Variants in CPED1 observed in about 807,000 individuals in gnomAD.
The protein encoded by CPED1 is cadherin like and PC-esterase domain containing 1.
CPED1 carries 114 observed loss-of-function variants against 128.2 expected under a neutral mutation model. That is an observed-to-expected ratio of 0.89 (90% CI 0.76 to 1.04). CPED1 has a LOEUF of 1.04. CPED1 is among the 50% of genes least tolerant of loss of function. The probability of loss-of-function intolerance (pLI) is 0.00; values close to 1 mark genes in which losing one functional copy is unlikely to be tolerated. For missense variants in CPED1, 1,211 were observed against 1,207.1 expected (o/e 1.00, Z -0.05); for synonymous variants, 462 against 426.7 (o/e 1.08, Z -1.02).
intron 3 of CPED1, among the ~76,000 whole-genome samples, chr7:121,031,485 A>G (rs1792732123): frequency 6.6e-6 from 1 of 152,000 alleles, no homozygotes; most frequent in Non-Finnish European, 1.5e-5. Context: ...ATGGGGTTTC[A>G]CCATGTTGGC....
At chr7:121,268,356 C>G (rs1792170069) in intron 21 of CPED1, among the ~76,000 whole-genome samples, 1 of 152,030 alleles carries the variant, frequency 6.6e-6, no homozygotes, top group Admixed American at 6.6e-5. Flanking sequence ...CAATTCATTT[C>G]AGCAAACATT....
intron 16 of CPED1, among the ~76,000 whole-genome samples, chr7:121,152,496 C>G: frequency 6.6e-6 from 1 of 152,102 alleles, no homozygotes; most frequent in Admixed American, 6.6e-5. Flanking sequence ...ACAGCTCAAC[C>G]CTTACTTGTC....
At chr7:121,249,682 G>A (rs1440848022) in intron 18 of CPED1, among the ~76,000 whole-genome samples, 2 of 152,064 alleles carry the variant, frequency 1.3e-5, no homozygotes, top group African/African-American at 2.4e-5. Flanking sequence ...TTAAGGGAGT[G>A]CTGAACATGG....
chr7:121,185,831 C>T (rs1796989485), intron 16 of CPED1, among the ~76,000 whole-genome samples: 1 of 152,142 alleles, frequency 6.6e-6, no homozygotes, highest in African/African-American at 2.4e-5. Context: ...CTGCTAACTG[C>T]GATTCTCTGC....
At chr7:121,171,551 A>G (rs1051773887) in intron 16 of CPED1, among the ~76,000 whole-genome samples, 1 of 152,212 alleles carries the variant, frequency 6.6e-6, no homozygotes, top group African/African-American at 2.4e-5. Flanking sequence ...ACCAGCCCCA[A>G]CATCTCCTGA....
intron 22 of CPED1, among the ~76,000 whole-genome samples, chr7:121,292,710 G>A (rs541885037): frequency 6.6e-6 from 1 of 152,188 alleles, no homozygotes; most frequent in Non-Finnish European, 1.5e-5. Context: ...TTAGGTGGGT[G>A]TCCTTTTTGT....
At chr7:121,036,088 T>A (rs994728188) in intron 3 of CPED1, among the ~76,000 whole-genome samples, 4 of 151,872 alleles carry the variant, frequency 2.6e-5, no homozygotes, top group Admixed American at 6.6e-5. Context: ...GTAATAAAGG[T>A]AAAGGAAAGG....
intron 7 of CPED1, among the ~76,000 whole-genome samples, chr7:121,119,961 G>A (rs143699492): frequency 1.4e-4 from 21 of 152,252 alleles, no homozygotes; most frequent in African/African-American, 4.8e-4. Context: ...ATTGTCAAGG[G>A]TCATTCATGT....
chr7:121,174,011 G>C (rs2116476581), intron 16 of CPED1, among the ~76,000 whole-genome samples: 1 of 152,036 alleles, frequency 6.6e-6, no homozygotes, highest in East Asian at 1.9e-4. Context: ...TCATTTGATT[G>C]TTGGCTTGTC....
At chr7:121,194,066 T>TTG (rs1797215346) in intron 16 of CPED1, among the ~76,000 whole-genome samples, 2 of 134,348 alleles carry the variant, frequency 1.5e-5, no homozygotes, top group Admixed American at 1.6e-4. Context: ...TTTTTTTTTT[T>TTG]GAGACAGAAT....
At chr7:121,267,413 A>C (rs1300967481) in intron 21 of CPED1, 111 bp downstream of exon 21, 2 of 500,986 alleles carry the variant, frequency 4.0e-6, no homozygotes, top group Non-Finnish European at 6.9e-6. Flanking sequence ...ATGAAAGTAA[A>C]AAAAAGAGAT....
In CPED1 at chr7:121,292,569, G is replaced by T. The variant is rs568275316; in HGVS notation, c.2869-2871G>T. The stretch of plus-strand genomic sequence containing the variant: ...AGTTTTGTTCCCTTGCTGGCGAGGA[G>T]TTGCGATCGTTTGGAGGAGAAGAGG... On this transcript the variant is annotated intron_variant, in intron 22 of 22. Coordinates refer to ENST00000310396, the MANE Select transcript of CPED1 (RefSeq NM_024913.5). Among the ~76,000 whole-genome samples the T allele has an allele frequency of 5.9e-5, 9 of 152,152 alleles. No homozygotes were observed. The East Asian group carries it at 1.7e-3, about 30-fold the overall frequency.
intron 7 of CPED1, among the ~76,000 whole-genome samples, chr7:121,121,035 A>T (rs927513271): frequency 1.3e-5 from 2 of 151,732 alleles, no homozygotes; most frequent in African/African-American, 4.8e-5. Context: ...AAGGTTGGCA[A>T]GTTTAACACA....
intron 16 of CPED1, among the ~76,000 whole-genome samples, chr7:121,190,461 C>G (rs1338756191): frequency 2.0e-5 from 3 of 146,788 alleles, no homozygotes; most frequent in Non-Finnish European, 4.5e-5. Flanking sequence ...ATTTTGAGAA[C>G]AGGCATGGCA....
chr7:121,224,266 G>GT (rs1476817746), intron 16 of CPED1, among the ~76,000 whole-genome samples: 1 of 152,156 alleles, frequency 6.6e-6, no homozygotes, highest in Non-Finnish European at 1.5e-5. Flanking sequence ...TAGTTGTGCG[G>GT]TTTTGAGTGA....
At chr7:121,220,153 C>T (rs1391213045) in intron 16 of CPED1, among the ~76,000 whole-genome samples, 1 of 152,030 alleles carries the variant, frequency 6.6e-6, no homozygotes, top group African/African-American at 2.4e-5. Flanking sequence ...AATTTTTATA[C>T]ATAACAAAGT....
intron 18 of CPED1, among the ~76,000 whole-genome samples, chr7:121,265,331 A>G (rs1792101579): frequency 6.6e-6 from 1 of 152,024 alleles, no homozygotes; most frequent in Non-Finnish European, 1.5e-5. Context: ...CTGACCCTCA[A>G]ATTCCTCATC....
intron 16 of CPED1, among the ~76,000 whole-genome samples, chr7:121,143,002 T>C (rs1795942456): frequency 1.3e-5 from 2 of 151,942 alleles, no homozygotes; most frequent in Admixed American, 1.3e-4. Flanking sequence ...TTTTTATAAA[T>C]GTAACAGCCA....
chr7:121,040,254 C>T (rs1368431379), intron 3 of CPED1, among the ~76,000 whole-genome samples: 1 of 152,070 alleles, frequency 6.6e-6, no homozygotes, highest in Non-Finnish European at 1.5e-5. Flanking sequence ...CATACGATTT[C>T]TCTTAAATTT....
Sources: allele counts gnomAD v4.1 joint callset (sites outside exome capture counted in the v4.1 genomes callset), GRCh38; gene constraint gnomAD v4.1.1; transcripts MANE v1.5; gene names NCBI Gene and HGNC (gene_info 2026-07-23, HGNC 2026-07-21).